NIBAN2: variants seen among roughly 807,000 people sequenced by gnomAD.
The protein encoded by NIBAN2 is niban apoptosis regulator 2, also known as protein Niban 2.
A neutral mutation model predicts 81.8 loss-of-function variants in NIBAN2; 36 were observed. The observed-to-expected ratio is 0.44, with a 90% CI of 0.34 to 0.58. The LOEUF is 0.58. Among genes scored for constraint, NIBAN2 ranks in the 20% least tolerant of loss-of-function variants. The pLI, the probability that NIBAN2 is intolerant of heterozygous loss-of-function variation, is 0.02. For synonymous variants in NIBAN2, 445 were observed against 441.6 expected (o/e 1.01, Z -0.10); for missense variants, 897 against 1,014.1 (o/e 0.88, Z 1.57).
rs373106022 is a variant in NIBAN2, at chr9:127,507,840, C to T, written c.1654+27G>A. 8 of 1,602,728 alleles carry T rather than the reference C, an allele frequency of 5.0e-6. No homozygotes were observed. Among genetic ancestry groups the T allele is most frequent in the Non-Finnish European group, 6.8e-6 (8 of 1,169,930 alleles). On this transcript the variant is annotated intron_variant, in intron 13 of 13. Transcript: ENST00000373312. The surrounding 1 kb of genome is among the most constrained non-coding windows in gnomAD (Gnocchi z 6.8). The stretch of plus-strand genomic sequence containing the variant: ...TGCGCCCCCAGCATCCTCCTGGCAA[C>T]AGTCCCCACCCCGGGACGGCACCCA...
chr9:127,526,416 G>GAA (rs1164064706), intron 3 of NIBAN2, among the ~76,000 whole-genome samples: 127 of 114,518 alleles, frequency 1.1e-3, no homozygotes, highest in Middle Eastern at 8.8e-3. Context: ...AAAAAAAAAA[G>GAA]AAAAAAAAAA....
chr9:127,507,785 T>C lies in NIBAN2; in HGVS notation c.1654+82A>G. 1 of 1,282,458 alleles carries C rather than the reference T, an allele frequency of 7.8e-7. No individual in the cohort carries two copies. The highest frequency in any genetic ancestry group is 1.1e-6 in the Non-Finnish European group (1 of 883,964). The allele number at this position is 1,282,458 out of a possible 1,614,324, so 79.4% of individuals were successfully genotyped here. On this transcript the variant is annotated intron_variant, in intron 13 of 13. Coordinates refer to ENST00000373312, the MANE Select transcript of NIBAN2 (RefSeq NM_022833.4). This position sits in a 1 kb window ranked among gnomAD's most constrained non-coding sequence, Gnocchi z 6.8. ...TCTGGGCTTTTCTTTGAGCCTTAGC[T>C]GACCCCCTCAGCTGCCACCACTTCT... is the stretch of plus-strand genomic sequence containing the variant.
intron 1 of NIBAN2, chr9:127,561,015 A>T: frequency 1.5e-6 from 1 of 661,676 alleles, no homozygotes; most frequent in Non-Finnish European, 1.9e-6. Flanking sequence ...GACCAGGCTT[A>T]AGGCTTACAA....
chr9:127,554,173 T>G (rs1837625595), intron 1 of NIBAN2, among the ~76,000 whole-genome samples: 1 of 152,310 alleles, frequency 6.6e-6, no homozygotes, highest in African/African-American at 2.4e-5. Flanking sequence ...TCACAGAAAC[T>G]GAGTCCTCAT....
At chr9:127,525,259 G>T (rs1313786474) in intron 3 of NIBAN2, 96 bp from the exon 4 acceptor site, 2 of 823,660 alleles carry the variant, frequency 2.4e-6, no homozygotes, top group African/African-American at 3.8e-5. Context: ...GGCCCAAAGT[G>T]GGGAGGAGAA....
intron 1 of NIBAN2, among the ~76,000 whole-genome samples, chr9:127,549,739 G>C (rs1837542022): frequency 6.6e-6 from 1 of 152,182 alleles, no homozygotes; most frequent in African/African-American, 2.4e-5. Flanking sequence ...GGAATGCCAG[G>C]GACCCTTTAC....
exon 1 of NIBAN2, chr9:127,578,950 G>A (rs752589597): frequency 1.9e-6 from 3 of 1,609,102 alleles, no homozygotes; most frequent in Non-Finnish European, 2.5e-6. Context: ...TCCAGAGTGA[G>A]AGCCCCAAAA....
intron 4 of NIBAN2, among the ~76,000 whole-genome samples, chr9:127,524,291 T>C (rs1339190397): frequency 6.6e-6 from 1 of 152,124 alleles, no homozygotes; most frequent in African/African-American, 2.4e-5. Flanking sequence ...AAAAGGAATT[T>C]TTCCCTCCTT....
intron 1 of NIBAN2, among the ~76,000 whole-genome samples, chr9:127,568,289 G>A (rs1197976262): frequency 6.6e-6 from 1 of 152,188 alleles, no homozygotes; most frequent in Non-Finnish European, 1.5e-5. Context: ...ATCGATCCCT[G>A]GCCCCACTCC....
chr9:127,517,140 G>A lies in NIBAN2; in HGVS notation c.782C>T (p.Pro261Leu), dbSNP rs368493830. 2.2e-5 allele frequency: 36 copies of A among 1,613,894 alleles called. No homozygotes were observed. Among genetic ancestry groups the A allele is most frequent in the African/African-American group, 1.9e-4 (14 of 74,932 alleles). ...GATCCACTGCCGCTGCCGCTCCTGC[G>A]GTTTCCCCTTCAGCCGCGGGCCGAG... ...AELGPRLKGK[P>L]QERQRQWIQI... The change falls in exon 7 of 14, where the codon CCG becomes CTG. Residue 261 changes from proline to leucine, a missense_variant. Transcript: ENST00000373312. This position sits in a 1 kb window ranked among gnomAD's most constrained non-coding sequence, Gnocchi z 4.0.
chr9:127,512,181 TTGTCTCTTTTCTTCCTATGACCTGGA>T (rs1836749505), intron 8 of NIBAN2, among the ~76,000 whole-genome samples: 1 of 152,218 alleles, frequency 6.6e-6, no homozygotes, highest in Admixed American at 6.5e-5. Context: ...ATGCAACTAT[TTGTCTCTTTTCTTCCTATGACCTGGA>T]AGCCTCATGC....
At chr9:127,544,208 A>G (rs1052074460) in intron 1 of NIBAN2, among the ~76,000 whole-genome samples, 8 of 152,158 alleles carry the variant, frequency 5.3e-5, no homozygotes, top group African/African-American at 1.9e-4. Context: ...CCTGGTACCT[A>G]ACATGGCGCT....
intron 8 of NIBAN2, 30 bp downstream of exon 8, chr9:127,516,827 G>A (rs771120489): frequency 4.4e-6 from 7 of 1,596,958 alleles, no homozygotes; most frequent in Admixed American, 1.7e-5. Context: ...GCCCCTGGAG[G>A]GCCCGTCGAG....
intron 1 of NIBAN2, among the ~76,000 whole-genome samples, chr9:127,561,972 T>G (rs1256689562): frequency 1.3e-5 from 2 of 152,128 alleles, no homozygotes; most frequent in East Asian, 3.9e-4. Context: ...GAAAAAGCAG[T>G]GCAGGAATTT....
rs544513421 is a variant in NIBAN2 at position 127,515,536 on chromosome 9, A to C, written c.973+1321T>G. ...ACTCCGTCTCAAAAAAAAAAAAAAAAAAACAAACAAAAAAAACAGGCCAGG... is the reference window on the plus strand; with the variant it reads ...ACTCCGTCTCAAAAAAAAAAAAAAACAAACAAACAAAAAAAACAGGCCAGG... On this transcript the variant is annotated intron_variant, in intron 8 of 13. Transcript: ENST00000373312. 1.5e-3 allele frequency among the ~76,000 whole-genome samples: 103 copies of C among 68,532 alleles called. 2 individuals are homozygous for C. The highest frequency in any genetic ancestry group is 3.7e-3 in the South Asian group (11 of 2,938). 45.0% of individuals were successfully genotyped at this position (68,532 alleles called of 152,430 possible).
intron 1 of NIBAN2, among the ~76,000 whole-genome samples, chr9:127,549,444 C>T (rs969108314): frequency 1.3e-5 from 2 of 152,132 alleles, no homozygotes; most frequent in Non-Finnish European, 2.9e-5. Context: ...TGCAGGCACA[C>T]ACACGCACAT....
intron 2 of NIBAN2, among the ~76,000 whole-genome samples, chr9:127,531,201 G>C (rs4554580): frequency 6.7e-6 from 1 of 149,052 alleles, no homozygotes; most frequent in Non-Finnish European, 1.5e-5. Context: ...TGAATAAGCC[G>C]CACATAGTGG....
intron 5 of NIBAN2, among the ~76,000 whole-genome samples, chr9:127,521,078 G>A (rs1836932531): frequency 6.6e-6 from 1 of 152,116 alleles, no homozygotes; most frequent in Non-Finnish European, 1.5e-5. Flanking sequence ...AGCTGGGAGA[G>A]AACATATTTC....
chr9:127,575,355 G>A (rs903297304), intron 1 of NIBAN2, among the ~76,000 whole-genome samples: 17 of 150,796 alleles, frequency 1.1e-4, no homozygotes, highest in Non-Finnish European at 1.8e-4. Flanking sequence ...AGACTCTCAA[G>A]TAGCTGGGAT....
Sources: gnomAD v4.1 joint callset for allele counts (sites outside exome capture counted in the v4.1 genomes callset) on GRCh38, gnomAD v4.1.1 for gene constraint, Gnocchi (gnomAD v3.1) non-coding constraint, MANE v1.5 for transcripts, NCBI Gene and HGNC (gene_info 2026-07-23, HGNC 2026-07-21) for gene names.